The following FSTL4 variants were observed in gnomAD, a reference collection of about 807,000 sequenced individuals.
The protein encoded by FSTL4 is follistatin-related protein 4.
Under a neutral mutation model 78.2 loss-of-function variants are expected in FSTL4, and 28 were observed. The observed-to-expected ratio is 0.36, with a 90% CI of 0.27 to 0.49. The LOEUF (loss-of-function observed/expected upper bound fraction) is 0.49, where lower values mean the gene tolerates loss of function less well. FSTL4 is among the 20% of genes least tolerant of loss of function. The probability of loss-of-function intolerance (pLI) is 0.98; values close to 1 mark genes in which losing one functional copy is unlikely to be tolerated. For missense variants in FSTL4, 922 were observed against 1,084.9 expected (o/e 0.85, Z 2.11); for synonymous variants, 422 against 440.5 (o/e 0.96, Z 0.53).
At chr5:133,513,421 G>A (rs1342455639) in intron 3 of FSTL4, among the ~76,000 whole-genome samples, 1 of 152,188 alleles carries the variant, frequency 6.6e-6, no homozygotes, top group Non-Finnish European at 1.5e-5. Context: ...CCGACACAGT[G>A]GGTAAGAGCA....
upstream of FSTL4, among the ~76,000 whole-genome samples, chr5:133,617,133 T>A (rs1761213526): frequency 6.6e-6 from 1 of 152,000 alleles, no homozygotes; most frequent in African/African-American, 2.4e-5. Flanking sequence ...ACTCCGTTTC[T>A]ACTAAAAATA....
At chr5:133,714,847 T>C in the FSTL4 span, among the ~76,000 whole-genome samples, 1 of 152,226 alleles carries the variant, frequency 6.6e-6, no homozygotes, top group South Asian at 2.1e-4. Context: ...AAGAGGCTAA[T>C]AACCGGCAAG....
At chr5:133,785,149 G>A in the FSTL4 span, among the ~76,000 whole-genome samples, 1 of 152,100 alleles carries the variant, frequency 6.6e-6, no homozygotes, top group South Asian at 2.1e-4. Context: ...CAAAGCACAC[G>A]AAGTCTTACA....
chr5:133,640,034 T>G, the FSTL4 span, among the ~76,000 whole-genome samples: 1 of 152,310 alleles, frequency 6.6e-6, no homozygotes, highest in East Asian at 1.9e-4. Flanking sequence ...ACAGTTATGT[T>G]AAGCAAACAC....
chr5:133,365,231 TCTAAA>T (rs1483665906), intron 4 of FSTL4, among the ~76,000 whole-genome samples: 5 of 149,384 alleles, frequency 3.3e-5, no homozygotes, highest in Non-Finnish European at 7.4e-5. Context: ...AAAGTTAATT[TCTAAA>T]ATAATAATAA....
intron 2 of FSTL4, chr5:133,583,309 A>G: frequency 2.4e-6 from 1 of 416,360 alleles, no homozygotes; most frequent in East Asian, 7.9e-5. Flanking sequence ...AGATGGCCGA[A>G]TAGGAACAGC....
chr5:133,797,920 C>T, the FSTL4 span, among the ~76,000 whole-genome samples: 9,314 of 152,224 alleles, frequency 0.061, 372 homozygotes, highest in East Asian at 0.17. Flanking sequence ...AAAACAACCT[C>T]GTGGCCCCAG....
At chr5:133,501,522 G>A (rs1259997198) in intron 3 of FSTL4, among the ~76,000 whole-genome samples, 1 of 152,150 alleles carries the variant, frequency 6.6e-6, no homozygotes, top group Admixed American at 6.5e-5. Flanking sequence ...ATAAACTGAG[G>A]TCATTCAAGG....
chr5:133,296,279 C>A, intron 6 of FSTL4, among the ~76,000 whole-genome samples: 1 of 152,232 alleles, frequency 6.6e-6, no homozygotes, highest in East Asian at 1.9e-4. Context: ...TCACCACCAT[C>A]GTGCCCATTA....
intron 3 of FSTL4, among the ~76,000 whole-genome samples, chr5:133,514,439 T>C (rs1441282568): frequency 6.6e-6 from 1 of 152,142 alleles, no homozygotes; most frequent in Non-Finnish European, 1.5e-5. Flanking sequence ...ACTGAAATGA[T>C]ACAAAACTCA....
chr5:133,815,046 G>A, the FSTL4 span, among the ~76,000 whole-genome samples: 1 of 152,178 alleles, frequency 6.6e-6, no homozygotes, highest in African/African-American at 2.4e-5. Context: ...CAAGAGGTCT[G>A]GGTATCAATA....
chr5:133,471,192 ATAT>A (rs2112848569), intron 3 of FSTL4, among the ~76,000 whole-genome samples: 1 of 152,278 alleles, frequency 6.6e-6, no homozygotes, highest in Admixed American at 6.5e-5. Context: ...TTGCATTAAA[ATAT>A]TATTTGTTTT....
intron 3 of FSTL4, among the ~76,000 whole-genome samples, chr5:133,545,837 CAG>C (rs1271280334): frequency 2.0e-5 from 3 of 152,168 alleles, no homozygotes; most frequent in African/African-American, 7.2e-5. Flanking sequence ...TAGAACTTCT[CAG>C]AGATTATCTA....
the FSTL4 span, among the ~76,000 whole-genome samples, chr5:133,687,259 AG>A: frequency 6.6e-6 from 1 of 152,154 alleles, no homozygotes; most frequent in Non-Finnish European, 1.5e-5. Flanking sequence ...AGAAATACTA[AG>A]AAAAGTGATT....
At chr5:133,471,792 A>T (rs1220569618) in intron 3 of FSTL4, among the ~76,000 whole-genome samples, 2 of 152,210 alleles carry the variant, frequency 1.3e-5, no homozygotes, top group African/African-American at 2.4e-5. Flanking sequence ...TTTACCAATG[A>T]CACTGCTTGC....
intron 3 of FSTL4, among the ~76,000 whole-genome samples, chr5:133,554,634 A>T (rs986063875): frequency 1.3e-5 from 2 of 152,196 alleles, no homozygotes; most frequent in African/African-American, 4.8e-5. Flanking sequence ...AACAACAACA[A>T]GCTGCTTTTC....
intron 3 of FSTL4, among the ~76,000 whole-genome samples, chr5:133,544,561 C>T (rs1759537598): frequency 6.6e-6 from 1 of 152,184 alleles, no homozygotes; most frequent in Non-Finnish European, 1.5e-5. Flanking sequence ...ATGAGCACCA[C>T]ACTCACCCCC....
rs1358374511 is a variant in FSTL4 at position 133,386,064 on chromosome 5, A to G, written c.409+14674T>C. 4.6e-5 allele frequency among the ~76,000 whole-genome samples: 7 copies of G among 152,104 alleles called. No individual in the cohort carries two copies. In the East Asian group the frequency reaches 1.3e-3, roughly 29 times the overall value. On this transcript the variant is annotated intron_variant, in intron 4 of 15. Transcript: ENST00000265342. Reference sequence around the variant, plus strand: ...TTGAGTGGTGTTGGGCAAGTCATTAAACCTCTGTGAGCCTCAGTTTCCTCA... The same window carrying G: ...TTGAGTGGTGTTGGGCAAGTCATTAGACCTCTGTGAGCCTCAGTTTCCTCA...
chr5:133,661,210 G>A, the FSTL4 span, among the ~76,000 whole-genome samples: 3 of 152,122 alleles, frequency 2.0e-5, no homozygotes, highest in African/African-American at 4.8e-5. Context: ...GGCTGGTCTC[G>A]AACTCCTGAC....
Sources: allele counts gnomAD v4.1 joint callset (sites outside exome capture counted in the v4.1 genomes callset), GRCh38; gene constraint gnomAD v4.1.1; transcripts MANE v1.5; gene names NCBI Gene and HGNC (gene_info 2026-07-23, HGNC 2026-07-21).